KSR2: variants seen among roughly 807,000 people sequenced by gnomAD.
KSR2 encodes the protein kinase suppressor of ras 2.
In KSR2, 25 loss-of-function variants were observed where a neutral mutation model predicts 107.8. The observed-to-expected ratio is 0.23, with a 90% CI of 0.17 to 0.32. The LOEUF is 0.32. KSR2 is among the 10% of genes least tolerant of loss of function. KSR2 has a pLI of 1.00. For missense variants in KSR2, 887 were observed against 1,268.9 expected (o/e 0.70, Z 4.57); for synonymous variants, 480 against 507.0 (o/e 0.95, Z 0.71).
chr12:117,852,928 A>G (rs1324880856), intron 3 of KSR2, among the ~76,000 whole-genome samples: 1 of 152,104 alleles, frequency 6.6e-6, no homozygotes, highest in Non-Finnish European at 1.5e-5. Context: ...CAGCCTCCCA[A>G]ATAGCTGGGA....
At chr12:117,773,069 C>G (rs1292508688) in intron 3 of KSR2, among the ~76,000 whole-genome samples, 1 of 152,222 alleles carries the variant, frequency 6.6e-6, no homozygotes, top group Non-Finnish European at 1.5e-5. Flanking sequence ...TCTGCCGAAG[C>G]TTCAGCAGCG....
intron 5 of KSR2, among the ~76,000 whole-genome samples, chr12:117,591,760 T>G (rs1880335248): frequency 6.6e-6 from 1 of 151,682 alleles, no homozygotes; most frequent in Admixed American, 6.6e-5. Context: ...TCCCAGCACT[T>G]TGGGAGGCAG....
chr12:117,554,068 T>C (rs1877494968), intron 9 of KSR2, among the ~76,000 whole-genome samples: 2 of 152,142 alleles, frequency 1.3e-5, no homozygotes, highest in Admixed American at 1.3e-4. Context: ...GCAATGCAAA[T>C]GGACTTAGAC....
intron 1 of KSR2, among the ~76,000 whole-genome samples, chr12:117,946,131 C>A (rs2137550058): frequency 6.6e-6 from 1 of 152,128 alleles, no homozygotes; most frequent in Non-Finnish European, 1.5e-5. Context: ...GTTCTCAAGT[C>A]AACTAGTTCT....
chr12:117,456,956 G>A lies in KSR2; in HGVS notation c.*10243C>T, dbSNP rs1870653665. The A allele has an allele frequency of 1.3e-5, 2 of 152,206 alleles. No homozygotes were observed. Among genetic ancestry groups the A allele is most frequent in the South Asian group, 2.1e-4 (1 of 4,830 alleles). 9.4% of individuals were successfully genotyped at this position (152,206 alleles called of 1,614,324 possible). On this transcript the variant is annotated 3_prime_UTR_variant, in exon 20 of 20. Coordinates refer to ENST00000339824, the MANE Select transcript of KSR2 (RefSeq NM_173598.6). ...GTAGAAAAGGCCCTTCACTATCTGG[G>A]AGACTTTCCTTCCTGGGGAATACAG...
chr12:117,771,490 G>A (rs1033509841), intron 3 of KSR2, among the ~76,000 whole-genome samples: 2 of 152,166 alleles, frequency 1.3e-5, no homozygotes, highest in African/African-American at 2.4e-5. Context: ...TGTCATGGGC[G>A]TGCATCTTCA....
At chr12:117,608,748 T>TTCCTTTG (rs1881425810) in intron 5 of KSR2, among the ~76,000 whole-genome samples, 1 of 152,234 alleles carries the variant, frequency 6.6e-6, no homozygotes, top group African/African-American at 2.4e-5. Flanking sequence ...TTTTTCCTTT[T>TTCCTTTG]TTAATGGAGA....
In KSR2 at chr12:117,665,161, G is replaced by A. The variant is rs75191740; in HGVS notation, c.1171+2313C>T. Among the ~76,000 whole-genome samples the A allele has an allele frequency of 1.1e-4, 17 of 152,134 alleles. No individual in the cohort carries two copies. In the East Asian group the frequency reaches 2.9e-3, roughly 26 times the overall value. On this transcript the variant is annotated intron_variant, in intron 5 of 19. Coordinates refer to ENST00000339824, the MANE Select transcript of KSR2 (RefSeq NM_173598.6). ...TTTGAAGAACCAAGACTGTCCAAGG[G>A]GCAGTTGTGCTCCTGGTGCCTCTTA...
intron 1 of KSR2, among the ~76,000 whole-genome samples, chr12:117,890,516 G>T (rs1348148612): frequency 1.3e-5 from 2 of 152,170 alleles, no homozygotes; most frequent in Non-Finnish European, 2.9e-5. Context: ...TAGAAGTCTA[G>T]TCTTTTTAAA....
At chr12:117,554,571 T>G (rs540314494) in intron 9 of KSR2, among the ~76,000 whole-genome samples, 1 of 152,256 alleles carries the variant, frequency 6.6e-6, no homozygotes, top group African/African-American at 2.4e-5. Flanking sequence ...GGGAGGTAAT[T>G]GAATCATGGG....
intron 14 of KSR2, among the ~76,000 whole-genome samples, chr12:117,519,066 A>G (rs1349564864): frequency 6.6e-6 from 1 of 152,188 alleles, no homozygotes; most frequent in East Asian, 1.9e-4. Context: ...CTGTGTTCTG[A>G]GTGTCTATCA....
intron 9 of KSR2, among the ~76,000 whole-genome samples, chr12:117,541,672 AT>A (rs1876500539): frequency 6.6e-6 from 1 of 152,072 alleles, no homozygotes; most frequent in African/African-American, 2.4e-5. Flanking sequence ...AGGTATGCTT[AT>A]CTGCCAACTC....
chr12:117,515,691 T>G (rs1300275665), intron 14 of KSR2, among the ~76,000 whole-genome samples: 6 of 152,198 alleles, frequency 3.9e-5, no homozygotes. Flanking sequence ...TTTGGGAGGC[T>G]GAGGCGGGCA....
chr12:117,680,597 A>G (rs1885325365), intron 4 of KSR2, among the ~76,000 whole-genome samples: 1 of 152,268 alleles, frequency 6.6e-6, no homozygotes, highest in Non-Finnish European at 1.5e-5. Flanking sequence ...CCTCCCAACA[A>G]TAGTGAAATT....
At chr12:117,927,574 T>A (rs1024506419) in intron 1 of KSR2, among the ~76,000 whole-genome samples, 20 of 150,764 alleles carry the variant, frequency 1.3e-4, no homozygotes, top group Non-Finnish European at 2.2e-4. Flanking sequence ...GAGCCTGTAA[T>A]CCCATTTACT....
intron 12 of KSR2, among the ~76,000 whole-genome samples, chr12:117,527,950 A>T (rs1488698275): frequency 2.1e-5 from 3 of 142,620 alleles, no homozygotes; most frequent in Non-Finnish European, 4.6e-5. Flanking sequence ...GGAAGACACA[A>T]GTGTGTGTGT....
At chr12:117,831,848 T>A (rs1455815223) in intron 3 of KSR2, among the ~76,000 whole-genome samples, 1 of 152,228 alleles carries the variant, frequency 6.6e-6, no homozygotes, top group East Asian at 1.9e-4. Context: ...TAAATGCTGG[T>A]TAAAGCTGAA....
At chr12:117,498,331 T>G (rs769222365) in intron 14 of KSR2, among the ~76,000 whole-genome samples, 1 of 152,090 alleles carries the variant, frequency 6.6e-6, no homozygotes, top group Non-Finnish European at 1.5e-5. Context: ...GGCAGGGCCA[T>G]GTTAATCCTT....
intron 1 of KSR2, among the ~76,000 whole-genome samples, chr12:117,866,839 T>A (rs1893486149): frequency 6.7e-6 from 1 of 149,482 alleles, no homozygotes; most frequent in Non-Finnish European, 1.5e-5. Context: ...CAAAAAAAAT[T>A]AAAAAAAAAA....
Sources: gnomAD v4.1 joint callset for allele counts (sites outside exome capture counted in the v4.1 genomes callset) on GRCh38, gnomAD v4.1.1 for gene constraint, MANE v1.5 for transcripts, NCBI Gene and HGNC (gene_info 2026-07-23, HGNC 2026-07-21) for gene names.